Variants in MIER2 observed in about 807,000 individuals in gnomAD.
MIER2 encodes the protein mesoderm induction early response protein 2.
MIER2 carries 30 observed loss-of-function variants against 67.6 expected under a neutral mutation model. That is an observed-to-expected ratio of 0.44 (90% confidence interval 0.33 to 0.60). The LOEUF (loss-of-function observed/expected upper bound fraction) is 0.60, where lower values mean the gene tolerates loss of function less well. MIER2 is among the 20% of genes least tolerant of loss of function. The pLI, the probability that MIER2 is intolerant of heterozygous loss-of-function variation, is 0.02. For missense variants in MIER2, 702 were observed against 745.1 expected (o/e 0.94, Z 0.67); for synonymous variants, 372 against 312.6 (o/e 1.19, Z -2.00).
intron 7 of MIER2, among the ~76,000 whole-genome samples, chr19:322,370 A>G (rs1405669109): frequency 6.6e-6 from 1 of 152,222 alleles, no homozygotes; most frequent in Non-Finnish European, 1.5e-5. Context: ...ATAATGATTG[A>G]TAAGTTGGAC....
intron 3 of MIER2, among the ~76,000 whole-genome samples, chr19:329,781 G>A (rs115504326): frequency 0.019 from 2,845 of 149,698 alleles, 122 homozygotes; most frequent in East Asian, 0.19. Context: ...AGGGAGAATC[G>A]CTTGAACCTA....
intron 1 of MIER2, among the ~76,000 whole-genome samples, chr19:336,444 A>G (rs941080101): frequency 6.6e-6 from 1 of 152,232 alleles, no homozygotes; most frequent in Non-Finnish European, 1.5e-5. Context: ...AAAACTGCCC[A>G]CACACAGGCC....
intron 7 of MIER2, among the ~76,000 whole-genome samples, chr19:315,359 C>A (rs146184014): frequency 6.6e-6 from 1 of 152,362 alleles, no homozygotes; most frequent in East Asian, 1.9e-4. Flanking sequence ...GAGCGAGACT[C>A]CGTCTCAAAC....
At position 341,730 on chromosome 19, in the gene MIER2, G is replaced by C. The variant is rs190419121; in HGVS notation, c.9+3044C>G. Among the ~76,000 whole-genome samples, 327 of 152,188 alleles carry C rather than the reference G, an allele frequency of 2.1e-3. 1 individual carries two copies. Among genetic ancestry groups the C allele is most frequent in the African/African-American group, 4.3e-3 (179 of 41,562 alleles). On this transcript the variant is annotated intron_variant, in intron 1 of 13. Coordinates refer to ENST00000264819, the MANE Select transcript of MIER2 (RefSeq NM_017550.3). ...TGTCAAAGTGGAAGCAGGAAAAAGAGGGGGAGCAGGCCAACGGTATTCCAG... is the reference window on the plus strand; with the variant it reads ...TGTCAAAGTGGAAGCAGGAAAAAGACGGGGAGCAGGCCAACGGTATTCCAG...
intron 7 of MIER2, among the ~76,000 whole-genome samples, chr19:324,916 C>T (rs1433669475): frequency 2.0e-5 from 3 of 152,248 alleles, no homozygotes; most frequent in African/African-American, 7.2e-5. Context: ...TGGCTCCGTC[C>T]TCTTCTCACA....
chr19:324,682 G>A (rs140396378), intron 7 of MIER2, among the ~76,000 whole-genome samples: 21 of 151,910 alleles, frequency 1.4e-4, no homozygotes, highest in East Asian at 1.2e-3. Context: ...CCACGCAGAC[G>A]ACTCGAATGA....
At chr19:309,402 C>T (rs890699366) in intron 10 of MIER2, among the ~76,000 whole-genome samples, 6 of 152,128 alleles carry the variant, frequency 3.9e-5, no homozygotes, top group African/African-American at 1.4e-4. Context: ...CACAAGCCCG[C>T]GGCGCCTGCT....
chr19:344,265 C>A (rs1972636217), intron 1 of MIER2: 1 of 985,284 alleles, frequency 1.0e-6, no homozygotes, highest in African/African-American at 1.7e-5. Flanking sequence ...TCTGACCCAG[C>A]CCCGCCGGGG....
At chr19:309,879 C>CAT (rs1555687381) in intron 10 of MIER2, among the ~76,000 whole-genome samples, 1 of 96,180 alleles carries the variant, frequency 1.0e-5, no homozygotes, top group African/African-American at 4.9e-5. Context: ...GGGACACACA[C>CAT]GCACACAAGG....
intron 5 of MIER2, 45 bp from the exon 6 acceptor site, chr19:326,643 C>T: frequency 6.9e-7 from 1 of 1,446,538 alleles, no homozygotes; most frequent in South Asian, 1.1e-5. Flanking sequence ...CCACTGCCTG[C>T]AGCCTATACA....
Position 326,522 on chromosome 19 carries a change from G to A in MIER2, c.570C>T (p.Ala190=), listed in dbSNP as rs202203428. 8 of 1,613,928 alleles carry A rather than the reference G, an allele frequency of 5.0e-6. No homozygotes were observed. In the East Asian group the frequency reaches 1.3e-4, roughly 27 times the overall value. ...SSDTEEDSLP[A]NKCKKEIMVG... Reference sequence around the variant, plus strand: ...AACCACGTACCTTCTTACATTTGTTGGCAGGAAGAGAGTCCTCCTCGGTGT... The same window carrying A: ...AACCACGTACCTTCTTACATTTGTTAGCAGGAAGAGAGTCCTCCTCGGTGT... The change falls in exon 6 of 14, where the codon GCC becomes GCT. Residue 190 remains alanine, a synonymous_variant. Coordinates refer to ENST00000264819, the MANE Select transcript of MIER2 (RefSeq NM_017550.3).
intron 1 of MIER2, among the ~76,000 whole-genome samples, chr19:342,023 C>G (rs1227297107): frequency 3.3e-5 from 5 of 152,272 alleles, no homozygotes; most frequent in African/African-American, 4.8e-5. Flanking sequence ...AGGTTCCATT[C>G]GCCAAGATGG....
intron 7 of MIER2, among the ~76,000 whole-genome samples, chr19:322,378 G>A (rs1389907988): frequency 2.0e-5 from 3 of 152,048 alleles, no homozygotes; most frequent in Admixed American, 6.6e-5. Flanking sequence ...TGATAAGTTG[G>A]ACTTTATTAA....
At chr19:331,082 C>G (rs1275957071) in intron 3 of MIER2, among the ~76,000 whole-genome samples, 1 of 152,044 alleles carries the variant, frequency 6.6e-6, no homozygotes, top group East Asian at 1.9e-4. Context: ...CAGAAACTGA[C>G]CAGGCGTGGC....
At chr19:329,863 T>A (rs1309996370) in intron 3 of MIER2, among the ~76,000 whole-genome samples, 1 of 86,770 alleles carries the variant, frequency 1.2e-5, no homozygotes, top group Non-Finnish European at 2.2e-5. Flanking sequence ...CAATACTCCG[T>A]CTCAAAAAAA....
At chr19:343,973 G>A (rs1972623248) in intron 1 of MIER2, 1 of 985,304 alleles carries the variant, frequency 1.0e-6, no homozygotes, top group African/African-American at 1.7e-5. Context: ...ACAGTCCTAG[G>A]TGGGTTTGAT....
chr19:338,599 C>T (rs1452534023), intron 1 of MIER2, among the ~76,000 whole-genome samples: 3 of 152,092 alleles, frequency 2.0e-5, no homozygotes, highest in Non-Finnish European at 4.4e-5. Context: ...TATGGAAGCT[C>T]AAGGTACCCC....
Position 308,669 on chromosome 19 carries a change from T to C in MIER2, c.1110-4A>G. On this transcript the variant is annotated splice_polypyrimidine_tract_variant and splice_region_variant and intron_variant, in intron 11 of 13. Coordinates refer to ENST00000264819, the MANE Select transcript of MIER2 (RefSeq NM_017550.3). The surrounding 1 kb of genome is among the most constrained non-coding windows in gnomAD (Gnocchi z 9.1). ...ATCCAGGTCCTGGTCTGCGTCCCTG[T>C]GGGGAGAGGGCGCCATGAGGGGCGG... is the stretch of plus-strand genomic sequence containing the variant. 1.2e-6 allele frequency: 2 copies of C among 1,601,144 alleles called. No individual in the cohort carries two copies. Among genetic ancestry groups the C allele is most frequent in the South Asian group, 1.1e-5 (1 of 89,722 alleles).
rs571126165 is a variant in MIER2 at position 307,313 on chromosome 19, G to C, written c.1422C>G (p.Phe474Leu). The change falls in exon 13 of 14, where the codon TTC (phenylalanine) becomes TTG (leucine). Residue 474 changes from phenylalanine to leucine, a missense_variant. By Grantham distance (22) the Phe-to-Leu change is conservative. Around this residue, in one of 3 missense-constraint regions of MIER2, gnomAD observed 254 missense variants for 262.8 expected, o/e 0.97. Transcript: ENST00000264819. ...PDASPRLAVD[F>L]ALPKELPLIS... ...TGAGGGGCAGCTCCTTGGGCAGGGC[G>C]AAGTCCACGGCCAGCCTTGGGCTGG... 5 of 1,600,622 alleles carry C rather than the reference G, an allele frequency of 3.1e-6. No homozygotes were observed. The highest frequency in any genetic ancestry group is 4.3e-6 in the Non-Finnish European group (5 of 1,174,396).
Sources: allele counts gnomAD v4.1 joint callset (sites outside exome capture counted in the v4.1 genomes callset), GRCh38; gene constraint gnomAD v4.1.1; regional missense constraint gnomAD v4.1.1; non-coding constraint Gnocchi (gnomAD v3.1); transcripts MANE v1.5; gene names NCBI Gene and HGNC (gene_info 2026-07-23, HGNC 2026-07-21).